The following NECAB2 variants were observed in gnomAD, a reference collection of about 807,000 sequenced individuals.
NECAB2 encodes the protein N-terminal EF-hand calcium binding protein 2, also known as N-terminal EF-hand calcium-binding protein 2.
In NECAB2, 68 loss-of-function variants were observed where a neutral mutation model predicts 51.9. The observed-to-expected ratio is 1.31, with a 90% CI of 1.08 to 1.60. NECAB2 has a LOEUF of 1.60. Among genes scored for constraint, NECAB2 ranks in the 40% most tolerant of loss-of-function variants. The pLI, the probability that NECAB2 is intolerant of heterozygous loss-of-function variation, is 0.00. For missense variants in NECAB2, 854 were observed against 490.3 expected, an observed-to-expected ratio of 1.74 and a Z score of -7.00; for synonymous variants, 329 against 203.5, an observed-to-expected ratio of 1.62 and a Z score of -5.25.
At chr16:83,987,751 G>C (rs762491570) in intron 5 of NECAB2, among the ~76,000 whole-genome samples, 43 of 152,102 alleles carry the variant, frequency 2.8e-4, no homozygotes, top group Non-Finnish European at 5.6e-4. Flanking sequence ...TTAATACCTT[G>C]TGGCAAACAT....
intron 5 of NECAB2, among the ~76,000 whole-genome samples, chr16:83,985,269 C>T (rs1376207936): frequency 3.1e-4 from 37 of 120,120 alleles, no homozygotes; most frequent in African/African-American, 8.9e-4. Flanking sequence ...GTAGAGACTG[C>T]GCCATTGCAC....
At chr16:83,965,491 C>T (rs767041199), upstream of NECAB2, 1 of 1,611,150 alleles carries the variant, frequency 6.2e-7, no homozygotes, top group Non-Finnish European at 8.5e-7. Context: ...ACGCCCGCCA[C>T]TACAACATCC....
At chr16:83,978,980 C>T (rs1401097388) in intron 3 of NECAB2, among the ~76,000 whole-genome samples, 1 of 152,154 alleles carries the variant, frequency 6.6e-6, no homozygotes, top group African/African-American at 2.4e-5. Context: ...AAACCAAACA[C>T]GAATCCTAAC....
In NECAB2 at chr16:83,998,234, C is replaced by A; in HGVS notation, c.879C>A (p.Ala293=). 6 of 1,611,878 alleles carry A rather than the reference C, an allele frequency of 3.7e-6. No individual in the cohort carries two copies. Among genetic ancestry groups the A allele is most frequent in the Non-Finnish European group, 5.1e-6 (6 of 1,180,010 alleles). ...MHLQLVRQEM[A]VCPEQLSEFL... ...TGCAGCTGGTCCGGCAGGAGATGGC[C>A]GTGTGCCCCGAGCAACTGAGCGAGT... is the stretch of plus-strand genomic sequence containing the variant. The change falls in exon 10 of 13, where the codon GCC becomes GCA. Residue 293 remains alanine, a synonymous_variant. Coordinates refer to ENST00000305202, the MANE Select transcript of NECAB2 (RefSeq NM_019065.3).
intron 8 of NECAB2, among the ~76,000 whole-genome samples, chr16:83,995,417 C>G (rs765680546): frequency 3.9e-5 from 6 of 152,146 alleles, no homozygotes; most frequent in Non-Finnish European, 2.9e-5. Flanking sequence ...CATGGGACCC[C>G]TCCCTCATAG....
chr16:83,975,883 T>C (rs539182149), intron 2 of NECAB2, among the ~76,000 whole-genome samples: 1 of 152,316 alleles, frequency 6.6e-6, no homozygotes, highest in South Asian at 2.1e-4. Context: ...CCTGTCTAAT[T>C]GGACTGGGGG....
chr16:83,995,858 C>T (rs932380566), intron 8 of NECAB2, among the ~76,000 whole-genome samples: 2 of 152,288 alleles, frequency 1.3e-5, no homozygotes, highest in East Asian at 1.9e-4. Context: ...GCTGCGGGAG[C>T]GGCTCGGAGG....
intron 3 of NECAB2, among the ~76,000 whole-genome samples, chr16:83,980,478 T>C (rs1383548593): frequency 6.6e-6 from 1 of 151,912 alleles, no homozygotes; most frequent in African/African-American, 2.4e-5. Flanking sequence ...GGTGGGTCAG[T>C]GGGTCAGATG....
At chr16:83,994,218 A>C (rs746193739) in intron 6 of NECAB2, 84 bp from the exon 7 acceptor site, 75 of 1,259,780 alleles carry the variant, frequency 6.0e-5, no homozygotes, top group Non-Finnish European at 8.1e-5. Context: ...GTCTTGCGTA[A>C]TAAATGCCTG....
Position 83,968,696 on chromosome 16 carries a change from G to A in NECAB2, c.48G>A (p.Leu16=). The A allele has an allele frequency of 5.0e-6, 5 of 997,870 alleles. No individual in the cohort carries two copies. The highest frequency in any genetic ancestry group is 1.8e-5 in the African/African-American group (1 of 56,844). The allele number at this position is 997,870 out of a possible 1,614,324, so 61.8% of individuals were successfully genotyped here. A position where few individuals can be genotyped will look rare whatever the true frequency, so the allele number is the denominator to read the frequency against. Reference sequence around the variant, plus strand: ...TGTGCAGGGCCGGCGCGCACAGGCTGCTCCGGGAGCCGCCGCAGCAGGGCC... The same window carrying A: ...TGTGCAGGGCCGGCGCGCACAGGCTACTCCGGGAGCCGCCGCAGCAGGGCC... ...ARLCRAGAHR[L]LREPPQQGRA... The change falls in exon 1 of 13, where the codon CTG becomes CTA. Residue 16 remains leucine, a synonymous_variant. Transcript: ENST00000305202.
At chr16:83,983,237 C>T (rs534946152) in intron 5 of NECAB2, among the ~76,000 whole-genome samples, 1 of 152,144 alleles carries the variant, frequency 6.6e-6, no homozygotes. Context: ...GTTTTGAATG[C>T]TTTTCTTGTA....
At chr16:83,995,853 G>A (rs28615624) in intron 8 of NECAB2, among the ~76,000 whole-genome samples, 75 of 152,314 alleles carry the variant, frequency 4.9e-4, no homozygotes, top group African/African-American at 1.8e-3. Context: ...AGCCAGCTGC[G>A]GGAGCGGCTC....
At position 83,968,513 on chromosome 16, in the gene NECAB2, C is replaced by A; in HGVS notation, c.-136C>A. On this transcript the variant is annotated 5_prime_UTR_variant, in exon 1 of 13. Transcript: ENST00000305202. ...GCCCCCCGGCGCCGGCCAGTCCCCG[C>A]GGTGTCCGCGGCCGCGGGGGCAGCG... 1 of 689,944 alleles carries A rather than the reference C, an allele frequency of 1.4e-6. No homozygotes were observed. The highest frequency in any genetic ancestry group is 1.8e-6 in the Non-Finnish European group (1 of 563,602). The allele number at this position is 689,944 out of a possible 1,614,324, so 42.7% of individuals were successfully genotyped here.
chr16:83,985,419 G>A (rs553997748), intron 5 of NECAB2, among the ~76,000 whole-genome samples: 14 of 149,864 alleles, frequency 9.3e-5, no homozygotes, highest in South Asian at 2.1e-4. Context: ...TAGATCACAA[G>A]GTCAGGAATT....
At chr16:83,980,487 T>G (rs533326046) in intron 3 of NECAB2, among the ~76,000 whole-genome samples, 1 of 152,202 alleles carries the variant, frequency 6.6e-6, no homozygotes, top group African/African-American at 2.4e-5. Flanking sequence ...GTGGGTCAGA[T>G]GAGAGCTTTG....
intron 1 of NECAB2, among the ~76,000 whole-genome samples, chr16:83,971,284 A>T (rs966070203): frequency 1.1e-4 from 17 of 152,168 alleles, no homozygotes; most frequent in Non-Finnish European, 2.2e-4. Context: ...GGGAGGCTTT[A>T]AAAATGCTGA....
upstream of NECAB2, among the ~76,000 whole-genome samples, chr16:83,966,533 T>G (rs185226): frequency 2.0e-4 from 31 of 151,678 alleles, no homozygotes; most frequent in South Asian, 3.1e-3. Context: ...TGTACTAGAG[T>G]CTGGGGGTGG....
At chr16:83,980,980 G>C (rs745768780) in intron 4 of NECAB2, 50 bp from the exon 5 acceptor site, 1 of 1,606,468 alleles carries the variant, frequency 6.2e-7, no homozygotes, top group Non-Finnish European at 8.5e-7. Context: ...GGAGTGCTGA[G>C]TGGGAGGGGC....
At chr16:83,994,523 C>A in intron 7 of NECAB2, 86 bp from the exon 8 acceptor site, 1 of 1,598,232 alleles carries the variant, frequency 6.3e-7, no homozygotes, top group African/African-American at 1.3e-5. Context: ...TTTGATGCCC[C>A]TGGAGGGGCT....
Sources: allele counts gnomAD v4.1 joint callset (sites outside exome capture counted in the v4.1 genomes callset), GRCh38; gene constraint gnomAD v4.1.1; transcripts MANE v1.5; gene names NCBI Gene and HGNC (gene_info 2026-07-23, HGNC 2026-07-21).